The following ZFP64 variants were observed in gnomAD, a reference collection of about 807,000 sequenced individuals.
The protein encoded by ZFP64 is ZFP64 zinc finger protein.
A neutral mutation model predicts 51.6 loss-of-function variants in ZFP64; 14 were observed. That is an observed-to-expected ratio of 0.27 (90% CI 0.18 to 0.42). ZFP64 has a LOEUF of 0.42. Among genes scored for constraint, ZFP64 ranks in the 10% least tolerant of loss-of-function variants. ZFP64 has a pLI of 1.00. For missense variants in ZFP64, 754 were observed against 906.8 expected, an observed-to-expected ratio of 0.83 and a Z score of 2.16; for synonymous variants, 375 against 361.4, an observed-to-expected ratio of 1.04 and a Z score of -0.43.
At chr20:52,168,809 T>C (rs1600793024) in intron 2 of ZFP64, among the ~76,000 whole-genome samples, 1 of 152,372 alleles carries the variant, frequency 6.6e-6, no homozygotes, top group East Asian at 1.9e-4. Flanking sequence ...TGCTTCATCA[T>C]GCAATATCTT....
chr20:52,103,867 T>C (rs1462745984), intron 5 of ZFP64, among the ~76,000 whole-genome samples: 6 of 152,216 alleles, frequency 3.9e-5, no homozygotes, highest in African/African-American at 1.4e-4. Flanking sequence ...ATATAAGCTA[T>C]TCGTTTAGTG....
intron 2 of ZFP64, among the ~76,000 whole-genome samples, chr20:52,166,741 T>C (rs1236616768): frequency 6.6e-6 from 1 of 152,160 alleles, no homozygotes; most frequent in Non-Finnish European, 1.5e-5. Context: ...ATGCCTGCCC[T>C]AGACTTCTTA....
chr20:52,105,299 C>T (rs1450942334), intron 5 of ZFP64: 3 of 1,261,288 alleles, frequency 2.4e-6, no homozygotes, highest in African/African-American at 1.5e-5. Context: ...AACGAATTCC[C>T]GGAGTTCGGA....
At chr20:52,187,681 T>C (rs559969812) in intron 1 of ZFP64, among the ~76,000 whole-genome samples, 1 of 152,078 alleles carries the variant, frequency 6.6e-6, no homozygotes, top group East Asian at 1.9e-4. Context: ...TCCAACCACA[T>C]ATGCACAAAG....
rs200059978 is a variant in ZFP64 at position 52,164,770 on chromosome 20, A to AAG, written c.449-14_449-13insCT. 1 of 1,603,554 alleles carries AAG rather than the reference A, an allele frequency of 6.2e-7. No individual in the cohort carries two copies. Reference sequence around the variant, plus strand: ...TTGAATTGGCAACCTAAAAAAAAAAAGGAAAGATTAATTACAAAGGAAAAC... The same window carrying AAG: ...TTGAATTGGCAACCTAAAAAAAAAAAAGGGAAAGATTAATTACAAAGGAAAAC... On this transcript the variant is annotated splice_polypyrimidine_tract_variant and intron_variant, in intron 3 of 5. Transcript: ENST00000216923.
intron 7 of ZFP64, among the ~76,000 whole-genome samples, chr20:52,091,145 A>T (rs1365215892): frequency 6.6e-6 from 1 of 152,096 alleles, no homozygotes; most frequent in Non-Finnish European, 1.5e-5. Flanking sequence ...CAAATATCAG[A>T]TAACTAGATG....
intron 8 of ZFP64, among the ~76,000 whole-genome samples, chr20:52,086,142 T>C (rs1057459872): frequency 2.6e-5 from 4 of 152,168 alleles, no homozygotes; most frequent in Non-Finnish European, 5.9e-5. Flanking sequence ...TAAAAAAATA[T>C]TTCCATTCTG....
At chr20:52,118,988 C>G (rs769225785) in intron 5 of ZFP64, among the ~76,000 whole-genome samples, 5 of 152,050 alleles carry the variant, frequency 3.3e-5, no homozygotes, top group African/African-American at 9.7e-5. Flanking sequence ...ACAAAAAATA[C>G]AGTAATTAGC....
chr20:52,085,323 C>A lies in ZFP64; in HGVS notation c.1229-57G>T. 3 of 1,512,038 alleles carry A rather than the reference C, an allele frequency of 2.0e-6. No homozygotes were observed. Among genetic ancestry groups the A allele is most frequent in the Non-Finnish European group, 2.7e-6 (3 of 1,122,890 alleles). 93.7% of individuals were successfully genotyped at this position (1,512,038 alleles called of 1,614,324 possible). On this transcript the variant is annotated intron_variant, in intron 8 of 8. Coordinates refer to the ZFP64 transcript ENST00000361387. The surrounding 1 kb of genome is among the most constrained non-coding windows in gnomAD (Gnocchi z 4.3). ...AGGCAGGCAAAACAGACCCTCCCAC[C>A]CCAACCTGCCTTAGCACACTTGGCC...
intron 2 of ZFP64, among the ~76,000 whole-genome samples, chr20:52,184,206 T>C (rs1187310969): frequency 6.6e-6 from 1 of 152,234 alleles, no homozygotes; most frequent in Non-Finnish European, 1.5e-5. Context: ...TCTCTGAGAA[T>C]AAGCTAGAAG....
At chr20:52,173,846 C>T (rs1050856214) in intron 2 of ZFP64, among the ~76,000 whole-genome samples, 19 of 151,954 alleles carry the variant, frequency 1.3e-4, no homozygotes, top group African/African-American at 4.6e-4. Flanking sequence ...ATGGGGGTTT[C>T]ACCATGTTGG....
chr20:52,170,150 G>T (rs1982602882), intron 2 of ZFP64, among the ~76,000 whole-genome samples: 1 of 151,390 alleles, frequency 6.6e-6, no homozygotes, highest in Admixed American at 6.6e-5. Flanking sequence ...TCATGAGTGG[G>T]CAGGTTAAAC....
At chr20:52,138,293 A>T (rs764376262) in intron 5 of ZFP64, among the ~76,000 whole-genome samples, 12 of 152,104 alleles carry the variant, frequency 7.9e-5, no homozygotes, top group Non-Finnish European at 1.6e-4. Flanking sequence ...AAAGTTAAAA[A>T]GGAAAAAGGA....
intron 5 of ZFP64, chr20:52,105,275 G>A (rs769015241): frequency 3.9e-5 from 50 of 1,292,788 alleles, no homozygotes; most frequent in South Asian, 1.6e-4. Flanking sequence ...CCCTAGGAGT[G>A]GCCTACTTCA....
intron 5 of ZFP64, among the ~76,000 whole-genome samples, chr20:52,142,839 C>CAAAAAAAAAAA (rs386393987): frequency 3.6e-5 from 2 of 55,054 alleles, no homozygotes; most frequent in Admixed American, 2.7e-4. Context: ...GACTCCATCT[C>CAAAAAAAAAAA]AAAAAAAAAA....
intron 5 of ZFP64, among the ~76,000 whole-genome samples, chr20:52,131,344 T>C (rs530457458): frequency 2.0e-5 from 3 of 150,808 alleles, no homozygotes; most frequent in East Asian, 3.9e-4. Context: ...AGAAAACAAA[T>C]AAAATGGCAG....
intron 5 of ZFP64, among the ~76,000 whole-genome samples, chr20:52,121,802 G>A (rs1568664632): frequency 6.6e-6 from 1 of 152,222 alleles, no homozygotes; most frequent in Non-Finnish European, 1.5e-5. Flanking sequence ...CTAGAGAGGA[G>A]AAGTCAATGT....
chr20:52,137,325 T>C (rs1038528874), intron 5 of ZFP64, among the ~76,000 whole-genome samples: 4 of 152,146 alleles, frequency 2.6e-5, no homozygotes, highest in African/African-American at 4.8e-5. Context: ...AACACCATCA[T>C]TTTGTCTCAA....
chr20:52,168,879 G>T (rs1236184326), intron 2 of ZFP64, among the ~76,000 whole-genome samples: 1 of 152,200 alleles, frequency 6.6e-6, no homozygotes, highest in African/African-American at 2.4e-5. Flanking sequence ...TGCACACAAT[G>T]CAGCTGAGGT....
Sources: gnomAD v4.1 joint callset for allele counts (sites outside exome capture counted in the v4.1 genomes callset) on GRCh38, gnomAD v4.1.1 for gene constraint, Gnocchi (gnomAD v3.1) non-coding constraint, MANE v1.5 for transcripts, NCBI Gene and HGNC (gene_info 2026-07-23, HGNC 2026-07-21) for gene names.